Variants in AKT3 observed in about 807,000 individuals in gnomAD.
The protein encoded by AKT3 is AKT serine/threonine kinase 3.
AKT3 carries 15 observed loss-of-function variants against 65.3 expected under a neutral mutation model. That is an observed-to-expected ratio of 0.23 (90% confidence interval 0.15 to 0.35). The LOEUF is 0.35. Ranked by LOEUF, AKT3 falls within the 10% of genes least tolerant of loss-of-function variation. The pLI, the probability that AKT3 is intolerant of heterozygous loss-of-function variation, is 1.00. For synonymous variants in AKT3, 206 were observed against 183.8 expected (o/e 1.12, Z -0.98); for missense variants, 243 against 576.5 (o/e 0.42, Z 5.92).
At chr1:243,628,594 C>G (rs1036049697) in intron 6 of AKT3, among the ~76,000 whole-genome samples, 1 of 152,192 alleles carries the variant, frequency 6.6e-6, no homozygotes, top group South Asian at 2.1e-4. Context: ...CATGAGTCAT[C>G]ACGCTTGGCC....
At chr1:243,704,518 T>C (rs1266487613) in intron 2 of AKT3, among the ~76,000 whole-genome samples, 1 of 152,188 alleles carries the variant, frequency 6.6e-6, no homozygotes, top group African/African-American at 2.4e-5. Context: ...GGGATGGCAA[T>C]AGCCCCTATT....
rs1176306090 is a variant in AKT3 at position 243,620,362 on chromosome 1, GTGTGAGAATGAA to G, written c.562-5213_562-5202del. ...CAATCTTGGGCAGTTCTTTATACCA[GTGTGAGAATGAA>G]CTAATACAGATGATATCACATTGTG... is the stretch of plus-strand genomic sequence containing the variant. On this transcript the variant is annotated intron_variant, in intron 6 of 13. Coordinates refer to ENST00000673466, the MANE Select transcript of AKT3 (RefSeq NM_005465.7). Among the ~76,000 whole-genome samples the G allele has an allele frequency of 2.2e-3, 119 of 53,322 alleles. 3 individuals carry two copies. Among genetic ancestry groups the G allele is most frequent in the Middle Eastern group, 0.01 (1 of 100 alleles). 35.0% of individuals were successfully genotyped at this position (53,322 alleles called of 152,430 possible).
chr1:243,811,769 T>C (rs367825679), intron 2 of AKT3, among the ~76,000 whole-genome samples: 1 of 152,096 alleles, frequency 6.6e-6, no homozygotes, highest in Non-Finnish European at 1.5e-5. Context: ...TGTCTTCAAA[T>C]TATACTACAA....
At position 243,793,776 on chromosome 1, in the gene AKT3, C is replaced by CAA. The variant is rs34262576; in HGVS notation, c.46+49347_46+49348dup. On this transcript the variant is annotated intron_variant, in intron 2 of 13. Coordinates refer to ENST00000673466, the MANE Select transcript of AKT3 (RefSeq NM_005465.7). ...CCTCAACAACAGAGCAAAACTGTCT[C>CAA]AAAAAAAAAAAAAAAGGGTGAAGAA... Among the ~76,000 whole-genome samples the CAA allele has an allele frequency of 3.2e-3, 419 of 129,624 alleles. 3 individuals are homozygous for CAA. The highest frequency in any genetic ancestry group is 0.011 in the East Asian group (50 of 4,508). 85.0% of individuals were successfully genotyped at this position (129,624 alleles called of 152,430 possible).
chr1:243,725,998 A>G (rs578126058), intron 2 of AKT3, among the ~76,000 whole-genome samples: 29 of 152,294 alleles, frequency 1.9e-4, no homozygotes, highest in African/African-American at 6.5e-4. Context: ...GTTAGTTCTC[A>G]TAAAGGCCTA....
intron 2 of AKT3, among the ~76,000 whole-genome samples, chr1:243,838,616 C>T (rs1310190760): frequency 6.6e-6 from 1 of 152,276 alleles, no homozygotes; most frequent in Middle Eastern, 3.4e-3. Context: ...ACAAGAATCA[C>T]ATCTTACAGC....
intron 2 of AKT3, among the ~76,000 whole-genome samples, chr1:243,763,166 A>T (rs1054373463): frequency 1.3e-5 from 2 of 152,116 alleles, no homozygotes; most frequent in Non-Finnish European, 2.9e-5. Flanking sequence ...ATTTTTAAAA[A>T]GTGAATAAAC....
At chr1:243,831,839 A>G (rs1315815994) in intron 2 of AKT3, among the ~76,000 whole-genome samples, 1 of 152,166 alleles carries the variant, frequency 6.6e-6, no homozygotes, top group African/African-American at 2.4e-5. Context: ...TATTTTTTGA[A>G]GAAATTCAAT....
intron 4 of AKT3, among the ~76,000 whole-genome samples, chr1:243,655,537 C>T (rs915299277): frequency 6.6e-6 from 1 of 151,894 alleles, no homozygotes; most frequent in East Asian, 1.9e-4. Context: ...CACATGAAAA[C>T]TGAGGTAATG....
intron 13 of AKT3, chr1:243,488,561 G>A: frequency 9.4e-6 from 2 of 212,090 alleles, no homozygotes; most frequent in Admixed American, 5.3e-5. Flanking sequence ...CAGCGATGCC[G>A]GAGCTCGTGA....
chr1:243,589,525 T>C (rs1320549856), intron 8 of AKT3, among the ~76,000 whole-genome samples: 1 of 151,928 alleles, frequency 6.6e-6, no homozygotes, highest in African/African-American at 2.4e-5. Flanking sequence ...ATAAAAAAGA[T>C]GAGATAGCAA....
chr1:243,819,643 G>C (rs1396726288), intron 2 of AKT3, among the ~76,000 whole-genome samples: 1 of 152,230 alleles, frequency 6.6e-6, no homozygotes, highest in Non-Finnish European at 1.5e-5. Flanking sequence ...CCAAGGGACA[G>C]CTGGACGATT....
chr1:243,627,551 T>C (rs1261878580), intron 6 of AKT3, among the ~76,000 whole-genome samples: 1 of 152,196 alleles, frequency 6.6e-6, no homozygotes, highest in African/African-American at 2.4e-5. Context: ...TACAATAATA[T>C]ACTACACTGA....
chr1:243,654,095 C>G (rs1681580006), intron 4 of AKT3, among the ~76,000 whole-genome samples: 1 of 151,970 alleles, frequency 6.6e-6, no homozygotes, highest in Non-Finnish European at 1.5e-5. Flanking sequence ...ATTTCTAATT[C>G]CATTTCTCCT....
intron 9 of AKT3, among the ~76,000 whole-genome samples, chr1:243,572,673 G>A (rs778120691): frequency 5.9e-5 from 9 of 151,966 alleles, no homozygotes; most frequent in Non-Finnish European, 1.2e-4. Flanking sequence ...ACTTAATCAC[G>A]TTTAACATTT....
chr1:243,543,346 T>A (rs1450258301), intron 12 of AKT3, among the ~76,000 whole-genome samples: 6 of 152,138 alleles, frequency 3.9e-5, no homozygotes, highest in Admixed American at 3.9e-4. Flanking sequence ...TTGTAGCAAA[T>A]CTTATTTCCT....
intron 2 of AKT3, among the ~76,000 whole-genome samples, chr1:243,733,836 A>G (rs549735007): frequency 3.3e-5 from 5 of 152,358 alleles, no homozygotes; most frequent in South Asian, 2.1e-4. Flanking sequence ...GTTGGAAAAA[A>G]TGACACAGAT....
chr1:243,773,213 T>C (rs1051031220), intron 2 of AKT3, among the ~76,000 whole-genome samples: 2 of 147,288 alleles, frequency 1.4e-5, no homozygotes, highest in Non-Finnish European at 3.0e-5. Flanking sequence ...AAAAAATATA[T>C]ATATATATAT....
chr1:243,576,619 T>C (rs542412003), intron 8 of AKT3, among the ~76,000 whole-genome samples: 1 of 152,288 alleles, frequency 6.6e-6, no homozygotes, highest in East Asian at 1.9e-4. Context: ...TGAACTCTCA[T>C]TCACAACTGC....
Sources: allele counts gnomAD v4.1 joint callset (sites outside exome capture counted in the v4.1 genomes callset), GRCh38; gene constraint gnomAD v4.1.1; transcripts MANE v1.5; gene names NCBI Gene and HGNC (gene_info 2026-07-23, HGNC 2026-07-21).